The following GRM7 variants were observed in gnomAD, a reference collection of about 807,000 sequenced individuals.
GRM7 encodes glutamate metabotropic receptor 7.
Under a neutral mutation model 84.5 loss-of-function variants are expected in GRM7, and 35 were observed. The observed-to-expected ratio is 0.41, with a 90% confidence interval of 0.32 to 0.55. The LOEUF (loss-of-function observed/expected upper bound fraction) is 0.55. Among genes scored for constraint, GRM7 ranks in the 20% least tolerant of loss-of-function variants. The pLI is 0.19. For missense variants in GRM7, 1,003 were observed against 1,194.6 expected (o/e 0.84, Z 2.36); for synonymous variants, 487 against 455.1 (o/e 1.07, Z -0.89).
chr3:7,204,249 G>T (rs1575027834), intron 2 of GRM7, among the ~76,000 whole-genome samples: 1 of 152,166 alleles, frequency 6.6e-6, no homozygotes, highest in East Asian at 1.9e-4. Flanking sequence ...TAGGCCTCGT[G>T]TCAGTATTTA....
chr3:7,523,414 G>C (rs1700673623), intron 7 of GRM7, among the ~76,000 whole-genome samples: 1 of 152,094 alleles, frequency 6.6e-6, no homozygotes, highest in Admixed American at 6.6e-5. Context: ...AGTAAGTTTT[G>C]CTGGCAATGT....
chr3:7,680,873 G>A (rs1452141078), intron 9 of GRM7: 1 of 153,466 alleles, frequency 6.5e-6, no homozygotes. Flanking sequence ...CATACCACTG[G>A]AGAAGAGTTT....
chr3:7,699,361 G>A (rs1411657210), intron 9 of GRM7, among the ~76,000 whole-genome samples: 1 of 152,174 alleles, frequency 6.6e-6, no homozygotes, highest in African/African-American at 2.4e-5. Flanking sequence ...GGAAAAAATA[G>A]AAGTATTCTT....
intron 4 of GRM7, among the ~76,000 whole-genome samples, chr3:7,342,079 C>G (rs1692665263): frequency 6.6e-6 from 1 of 152,118 alleles, no homozygotes; most frequent in Non-Finnish European, 1.5e-5. Flanking sequence ...TTCATGTGCA[C>G]CATTCTCTAG....
At chr3:7,117,688 A>T (rs1693083811) in intron 1 of GRM7, among the ~76,000 whole-genome samples, 2 of 152,192 alleles carry the variant, frequency 1.3e-5, no homozygotes, top group Non-Finnish European at 2.9e-5. Flanking sequence ...AAAAAGCCTC[A>T]TTTAAAATCT....
At chr3:7,492,154 T>C (rs763488007) in intron 7 of GRM7, among the ~76,000 whole-genome samples, 14 of 152,162 alleles carry the variant, frequency 9.2e-5, no homozygotes, top group East Asian at 1.9e-4. Flanking sequence ...ATAAGAGATA[T>C]TGGTCTGTGG....
intron 5 of GRM7, among the ~76,000 whole-genome samples, 181 bp downstream of exon 5, chr3:7,415,344 G>C (rs1334316807): frequency 6.6e-6 from 1 of 152,118 alleles, no homozygotes; most frequent in East Asian, 1.9e-4. Context: ...ATACAGACAA[G>C]AATGTATTCT....
intron 8 of GRM7, among the ~76,000 whole-genome samples, chr3:7,589,663 T>C (rs1379304386): frequency 6.6e-6 from 1 of 152,136 alleles, no homozygotes; most frequent in African/African-American, 2.4e-5. Flanking sequence ...TAGATCATAA[T>C]GAAGGGGTTT....
intron 2 of GRM7, among the ~76,000 whole-genome samples, chr3:7,187,871 T>C (rs1695573536): frequency 6.6e-6 from 1 of 152,136 alleles, no homozygotes; most frequent in East Asian, 1.9e-4. Context: ...TAGTCTTCAA[T>C]GTGGTTCGGT....
intron 8 of GRM7, among the ~76,000 whole-genome samples, chr3:7,667,827 G>C (rs1231878267): frequency 1.3e-5 from 2 of 148,856 alleles, no homozygotes; most frequent in Non-Finnish European, 3.0e-5. Context: ...CACATATAGG[G>C]TCTCAGTTAA....
rs187677883 is a variant in GRM7 at position 7,001,128 on chromosome 3, C to G, written c.519+139221C>G. On this transcript the variant is annotated intron_variant, in intron 1 of 9. Coordinates refer to ENST00000357716, the MANE Select transcript of GRM7 (RefSeq NM_000844.4). ...AACTATTTGAGAATTTATAATCATG[C>G]AAAGCCTTTTTAAATACAATAAGCC... 2.4e-4 allele frequency among the ~76,000 whole-genome samples: 37 copies of G among 152,244 alleles called. 1 individual carries two copies. The highest frequency in any genetic ancestry group is 1.9e-3 in the Admixed American group (29 of 15,280).
chr3:7,525,206 G>A (rs1387090324), intron 7 of GRM7, among the ~76,000 whole-genome samples: 4 of 151,990 alleles, frequency 2.6e-5, no homozygotes, highest in Admixed American at 2.0e-4. Flanking sequence ...CATGGCACAT[G>A]TATACATATG....
At chr3:7,633,477 C>T (rs922169641) in intron 8 of GRM7, among the ~76,000 whole-genome samples, 11 of 151,964 alleles carry the variant, frequency 7.2e-5, no homozygotes, top group South Asian at 4.2e-4. Flanking sequence ...AAAATAGGAG[C>T]GAGACGAACA....
chr3:7,549,535 C>T (rs1314503933), intron 7 of GRM7, among the ~76,000 whole-genome samples: 1 of 152,106 alleles, frequency 6.6e-6, no homozygotes, highest in East Asian at 1.9e-4. Context: ...ACTGAAGCAC[C>T]TTAACTATTA....
chr3:7,013,996 A>G (rs1294884989), intron 1 of GRM7, among the ~76,000 whole-genome samples: 1 of 152,182 alleles, frequency 6.6e-6, no homozygotes, highest in Non-Finnish European at 1.5e-5. Flanking sequence ...TGCAGTATAT[A>G]AAAACAATTA....
chr3:7,044,159 A>T (rs1696722934), intron 1 of GRM7, among the ~76,000 whole-genome samples: 1 of 152,238 alleles, frequency 6.6e-6, no homozygotes, highest in African/African-American at 2.4e-5. Flanking sequence ...AGAGTAGTGC[A>T]GGGGACATTC....
At chr3:7,482,711 G>T (rs550636849) in intron 7 of GRM7, among the ~76,000 whole-genome samples, 6 of 152,178 alleles carry the variant, frequency 3.9e-5, no homozygotes, top group Non-Finnish European at 7.4e-5. Flanking sequence ...TTGATCTAGA[G>T]ATAAAGGTTT....
chr3:6,936,653 T>C (rs181588091), intron 1 of GRM7, among the ~76,000 whole-genome samples: 2 of 152,318 alleles, frequency 1.3e-5, no homozygotes, highest in Admixed American at 6.5e-5. Context: ...AGGATGATAA[T>C]TGATTAGTCT....
intron 1 of GRM7, among the ~76,000 whole-genome samples, chr3:7,099,478 T>C (rs981366895): frequency 1.4e-5 from 2 of 145,796 alleles, no homozygotes; most frequent in Non-Finnish European, 3.0e-5. Context: ...TATACACATA[T>C]ATGTATATGT....
Sources: allele counts gnomAD v4.1 joint callset (sites outside exome capture counted in the v4.1 genomes callset), GRCh38; gene constraint gnomAD v4.1.1; transcripts MANE v1.5; gene names NCBI Gene and HGNC (gene_info 2026-07-23, HGNC 2026-07-21).